RIN3: variants seen among roughly 807,000 people sequenced by gnomAD.
RIN3 encodes Ras and Rab interactor 3, also known as RAB5 interacting protein 3.
A neutral mutation model predicts 76.3 loss-of-function variants in RIN3; 54 were observed. The observed-to-expected ratio is 0.71, with a 90% CI of 0.57 to 0.89. The LOEUF (loss-of-function observed/expected upper bound fraction) is 0.89, where lower values mean the gene tolerates loss of function less well. Among genes scored for constraint, RIN3 ranks in the 40% least tolerant of loss-of-function variants. The probability of loss-of-function intolerance (pLI) is 0.00; values close to 1 mark genes in which losing one functional copy is unlikely to be tolerated. For synonymous variants in RIN3, 576 were observed against 564.0 expected (o/e 1.02, Z -0.30); for missense variants, 1,256 against 1,322.1 (o/e 0.95, Z 0.78).
At chr14:92,560,995 T>G (rs1212920657) in intron 2 of RIN3, among the ~76,000 whole-genome samples, 1 of 92,444 alleles carries the variant, frequency 1.1e-5, no homozygotes, top group African/African-American at 3.8e-5. Context: ...CACTCCAGCC[T>G]GGGCAACAAG....
chr14:92,542,058 T>G (rs1010243396), intron 1 of RIN3, among the ~76,000 whole-genome samples: 15 of 152,180 alleles, frequency 9.9e-5, no homozygotes, highest in African/African-American at 3.4e-4. Context: ...TTTGGAAAGC[T>G]GAGGCAGGAG....
chr14:92,552,704 C>T (rs544119777), intron 1 of RIN3, among the ~76,000 whole-genome samples: 12 of 152,224 alleles, frequency 7.9e-5, no homozygotes, highest in Admixed American at 2.6e-4. Flanking sequence ...TCACCTTTTC[C>T]GGGTGTCTTC....
chr14:92,555,631 C>T, intron 1 of RIN3, 120 bp from the exon 2 acceptor site: 2 of 929,480 alleles, frequency 2.2e-6, no homozygotes, highest in Non-Finnish European at 3.3e-6. Flanking sequence ...TTTAATTCCC[C>T]AAAGGGCCAC....
chr14:92,537,794 G>C (rs1243583635), intron 1 of RIN3, among the ~76,000 whole-genome samples: 1 of 150,698 alleles, frequency 6.6e-6, no homozygotes, highest in Non-Finnish European at 1.5e-5. Context: ...TGGGATTACA[G>C]GTGCACGCCA....
intron 2 of RIN3, among the ~76,000 whole-genome samples, chr14:92,559,562 AT>A (rs1487843345): frequency 6.6e-6 from 1 of 152,234 alleles, no homozygotes; most frequent in African/African-American, 2.4e-5. Flanking sequence ...CCATGCACCA[AT>A]ATGAACCGTA....
chr14:92,687,913 C>T lies in RIN3; in HGVS notation c.2632-13C>T, dbSNP rs1484206556. 1 of 1,531,934 alleles carries T rather than the reference C, an allele frequency of 6.5e-7. No individual in the cohort carries two copies. Among genetic ancestry groups the T allele is most frequent in the South Asian group, 1.2e-5 (1 of 82,184 alleles). 94.9% of individuals were successfully genotyped at this position (1,531,934 alleles called of 1,614,324 possible). A position where few individuals can be genotyped will look rare whatever the true frequency, so the allele number is the denominator to read the frequency against. On this transcript the variant is annotated splice_polypyrimidine_tract_variant and intron_variant, in intron 9 of 9. Transcript: ENST00000216487. ...GGCCCCGCCGTGACCACAGGCCCCT[C>T]GCGTCTCCGCAGGACTTCATCTGCG...
chr14:92,641,003 G>A (rs985035147), intron 4 of RIN3, among the ~76,000 whole-genome samples: 4 of 152,034 alleles, frequency 2.6e-5, no homozygotes, highest in African/African-American at 4.8e-5. Flanking sequence ...CAGTGACCCC[G>A]CCCCGCCACT....
intron 2 of RIN3, among the ~76,000 whole-genome samples, chr14:92,572,222 G>A (rs958526013): frequency 1.3e-5 from 2 of 152,176 alleles, no homozygotes; most frequent in African/African-American, 2.4e-5. Flanking sequence ...GTCTGCATGC[G>A]CAGTGGTCCG....
chr14:92,672,133 C>T (rs182040129), intron 7 of RIN3, among the ~76,000 whole-genome samples: 6 of 152,030 alleles, frequency 3.9e-5, no homozygotes, highest in Non-Finnish European at 7.4e-5. Context: ...GCCGGGCGTG[C>T]GGCGGCTTAC....
At chr14:92,585,715 C>T (rs892245334) in intron 3 of RIN3, among the ~76,000 whole-genome samples, 6 of 152,178 alleles carry the variant, frequency 3.9e-5, no homozygotes, top group Admixed American at 3.9e-4. Flanking sequence ...ACTGCAGCCT[C>T]AACCTCCTGG....
intron 1 of RIN3, among the ~76,000 whole-genome samples, chr14:92,549,429 C>G (rs1897365291): frequency 6.6e-6 from 1 of 152,218 alleles, no homozygotes. Context: ...TGCGCCTTCC[C>G]CCTACCCCTA....
chr14:92,614,727 C>G (rs998904177), intron 3 of RIN3, among the ~76,000 whole-genome samples: 1 of 151,400 alleles, frequency 6.6e-6, no homozygotes, highest in African/African-American at 2.4e-5. Context: ...ATCATTAAGA[C>G]GTGCCTTTCG....
chr14:92,555,887 C>G lies in RIN3; in HGVS notation c.181C>G (p.Pro61Ala). The change falls in exon 2 of 10, where the codon CCG (proline) becomes GCG (alanine). Residue 61 changes from proline to alanine, a missense_variant. By Grantham distance (27) the Pro-to-Ala change is conservative. Coordinates refer to ENST00000216487, the MANE Select transcript of RIN3 (RefSeq NM_024832.5). Reference protein sequence around the residue: ...SILEKLIKTCPVWLQLSLGQA... With the variant: ...SILEKLIKTCAVWLQLSLGQA... ...CCTGGAGAAGCTCATCAAAACATGC[C>G]CGGTGTGGCTGCAGCTGAGTCTGGG... 1 of 1,614,030 alleles carries G rather than the reference C, an allele frequency of 6.2e-7. No homozygotes were observed. Among genetic ancestry groups the G allele is most frequent in the Non-Finnish European group, 8.5e-7 (1 of 1,180,028 alleles).
intron 3 of RIN3, among the ~76,000 whole-genome samples, chr14:92,598,229 T>C (rs1213778826): frequency 1.3e-5 from 2 of 152,094 alleles, no homozygotes; most frequent in African/African-American, 4.8e-5. Flanking sequence ...GCCTGGACAC[T>C]ATATAAGGAG....
intron 3 of RIN3, among the ~76,000 whole-genome samples, chr14:92,594,482 C>T (rs967414580): frequency 2.0e-5 from 3 of 150,350 alleles, no homozygotes; most frequent in Non-Finnish European, 4.4e-5. Flanking sequence ...TCTCAAACCA[C>T]AAGGGAATTA....
At position 92,687,965 on chromosome 14, in the gene RIN3, G is replaced by C. The variant is rs986364538; in HGVS notation, c.2671G>C (p.Ala891Pro). ...CVSYLEPEQQARTLASRADTQ... is the reference protein window; with the variant it reads ...CVSYLEPEQQPRTLASRADTQ... ...GTCGTACCTGGAGCCCGAGCAGCAG[G>C]CGCGGACGCTGGCGTCGCGGGCGGA... The change falls in exon 10 of 10, where the codon GCG becomes CCG. Residue 891 changes from alanine (A) to proline (P), a missense_variant. Around this residue, in one of 3 missense-constraint regions of RIN3, gnomAD observed 218 missense variants for 174.5 expected, o/e 1.25. Coordinates refer to ENST00000216487, the MANE Select transcript of RIN3 (RefSeq NM_024832.5). 1.5e-5 allele frequency: 24 copies of C among 1,555,732 alleles called. No homozygotes were observed. The highest frequency in any genetic ancestry group is 1.9e-5 in the Non-Finnish European group (22 of 1,150,862).
chr14:92,633,434 A>C (rs987098024), intron 4 of RIN3, among the ~76,000 whole-genome samples: 4 of 152,192 alleles, frequency 2.6e-5, no homozygotes, highest in Non-Finnish European at 5.9e-5. Flanking sequence ...CTCCTGTCCC[A>C]GAGGAGGAGA....
rs779544151 is a variant in RIN3, at chr14:92,652,182, CGAA to C, written c.1140_1142del (p.Lys380del). 5.0e-6 allele frequency: 8 copies of C among 1,603,644 alleles called. No individual in the cohort carries two copies. The highest frequency in any genetic ancestry group is 6.8e-6 in the Non-Finnish European group (8 of 1,173,508). ...CAGGTCCCCGCCCCGCCACTGCCTG[CGAA>C]GAAGAACCTTCCCACTGCCCCTCCC... On this transcript the variant is annotated inframe_deletion, in exon 6 of 10. Transcript: ENST00000216487. This position sits in a 1 kb window ranked among gnomAD's most constrained non-coding sequence, Gnocchi z 6.4.
intron 3 of RIN3, 135 bp from the exon 4 acceptor site, chr14:92,615,272 G>C: frequency 1.4e-6 from 1 of 722,186 alleles, no homozygotes; most frequent in Non-Finnish European, 2.5e-6. Context: ...GTGTATGGGG[G>C]CCGCATGCAG....
Sources: allele counts gnomAD v4.1 joint callset (sites outside exome capture counted in the v4.1 genomes callset), GRCh38; gene constraint gnomAD v4.1.1; regional missense constraint gnomAD v4.1.1; non-coding constraint Gnocchi (gnomAD v3.1); transcripts MANE v1.5; gene names NCBI Gene and HGNC (gene_info 2026-07-23, HGNC 2026-07-21).